Variants in B3GALT1 observed in about 807,000 individuals in gnomAD.
B3GALT1 encodes the protein UDP-Gal:betaGlcNAc beta 1,3-galactosyltransferase, polypeptide 1.
In B3GALT1, 10 loss-of-function variants were observed where a neutral mutation model predicts 23.2. That is an observed-to-expected ratio of 0.43 (90% CI 0.27 to 0.73). B3GALT1 has a LOEUF of 0.73. Among genes scored for constraint, B3GALT1 ranks in the 30% least tolerant of loss-of-function variants. B3GALT1 has a pLI of 0.21. For missense variants in B3GALT1, 299 were observed against 405.4 expected (o/e 0.74, Z 2.25); for synonymous variants, 156 against 141.5 (o/e 1.10, Z -0.73).
intron 3 of B3GALT1, among the ~76,000 whole-genome samples, chr2:167,792,029 A>G (rs1033217021): frequency 6.6e-6 from 1 of 152,098 alleles, no homozygotes; most frequent in Non-Finnish European, 1.5e-5. Context: ...GAGGCCATTT[A>G]TCAATAATTC....
At chr2:167,453,870 A>G (rs1043372952) in intron 1 of B3GALT1, among the ~76,000 whole-genome samples, 2 of 152,242 alleles carry the variant, frequency 1.3e-5, no homozygotes, top group South Asian at 2.1e-4. Context: ...TGTCAGAATG[A>G]TAAGACTGAT....
intron 1 of B3GALT1, among the ~76,000 whole-genome samples, chr2:167,305,902 C>A (rs1325070217): frequency 1.3e-5 from 2 of 152,044 alleles, no homozygotes; most frequent in African/African-American, 4.8e-5. Flanking sequence ...TATTCACCTA[C>A]TAAATAACAG....
chr2:167,328,412 A>G (rs941340122), intron 1 of B3GALT1, among the ~76,000 whole-genome samples: 2 of 152,220 alleles, frequency 1.3e-5, no homozygotes, highest in Non-Finnish European at 2.9e-5. Context: ...TTTTTTGTCT[A>G]TTCAGGTTTT....
chr2:167,401,843 C>T (rs1266355999), intron 1 of B3GALT1, among the ~76,000 whole-genome samples: 1 of 152,108 alleles, frequency 6.6e-6, no homozygotes, highest in Non-Finnish European at 1.5e-5. Flanking sequence ...CTTCTTAGGA[C>T]ACAGTATTGA....
intron 4 of B3GALT1, among the ~76,000 whole-genome samples, chr2:167,848,421 A>T (rs1378276759): frequency 1.3e-5 from 2 of 152,228 alleles, no homozygotes; most frequent in African/African-American, 4.8e-5. Flanking sequence ...CATACTGGGG[A>T]TGCAGGAATG....
At chr2:167,666,104 T>C (rs533447312) in intron 3 of B3GALT1, among the ~76,000 whole-genome samples, 239 of 152,350 alleles carry the variant, frequency 1.6e-3, no homozygotes, top group African/African-American at 5.7e-3. Context: ...TAAATTTCCC[T>C]CTACACACTG....
At chr2:167,512,572 A>ATC (rs1558887699) in intron 2 of B3GALT1, among the ~76,000 whole-genome samples, 4 of 94,276 alleles carry the variant, frequency 4.2e-5, no homozygotes, top group African/African-American at 1.7e-4. Flanking sequence ...ATATATGTAT[A>ATC]TATATATGTA....
intron 3 of B3GALT1, among the ~76,000 whole-genome samples, chr2:167,762,524 T>C (rs2105299333): frequency 6.6e-6 from 1 of 151,376 alleles, no homozygotes; most frequent in East Asian, 1.9e-4. Flanking sequence ...TTAAGATACC[T>C]TCCAAGAAGG....
chr2:167,822,620 A>T lies in B3GALT1; in HGVS notation c.-230+3827A>T, dbSNP rs113878130. ...CCTACACACAGACCAAGGCACAGGC[A>T]TACATTTCTTTTCGCCTTCTTACTC... On this transcript the variant is annotated intron_variant, in intron 4 of 4. Coordinates refer to ENST00000392690, the MANE Select transcript of B3GALT1 (RefSeq NM_020981.4). Among the ~76,000 whole-genome samples, 1,137 of 152,244 alleles carry T rather than the reference A, an allele frequency of 7.5e-3. 20 individuals are homozygous for T. Among genetic ancestry groups the T allele is most frequent in the African/African-American group, 0.026 (1,077 of 41,534 alleles).
intron 3 of B3GALT1, among the ~76,000 whole-genome samples, chr2:167,803,441 T>C (rs934367789): frequency 2.0e-5 from 3 of 152,172 alleles, no homozygotes; most frequent in Non-Finnish European, 4.4e-5. Flanking sequence ...AGTGGTATAG[T>C]GTGGGCATAT....
At chr2:167,377,502 G>A (rs1294616013) in intron 1 of B3GALT1, among the ~76,000 whole-genome samples, 4 of 152,074 alleles carry the variant, frequency 2.6e-5, no homozygotes, top group Non-Finnish European at 5.9e-5. Context: ...ATGAATCAGG[G>A]TGCTCTAATG....
At chr2:167,867,629 A>G (rs961625229) in intron 4 of B3GALT1, among the ~76,000 whole-genome samples, 1 of 152,200 alleles carries the variant, frequency 6.6e-6, no homozygotes, top group Non-Finnish European at 1.5e-5. Flanking sequence ...TTTTCAATCT[A>G]TATTCCCAAT....
At chr2:167,318,690 AC>A (rs1379773377) in intron 1 of B3GALT1, among the ~76,000 whole-genome samples, 1 of 152,086 alleles carries the variant, frequency 6.6e-6, no homozygotes, top group Non-Finnish European at 1.5e-5. Flanking sequence ...AGCCAACTGC[AC>A]TCGTTGGCTA....
intron 2 of B3GALT1, among the ~76,000 whole-genome samples, chr2:167,607,711 T>C (rs1017576225): frequency 1.3e-5 from 2 of 152,238 alleles, no homozygotes; most frequent in African/African-American, 4.8e-5. Flanking sequence ...TTTAAAAATA[T>C]ACTTTGAGAA....
intron 2 of B3GALT1, among the ~76,000 whole-genome samples, chr2:167,553,072 C>T (rs1383713102): frequency 6.6e-6 from 1 of 152,102 alleles, no homozygotes; most frequent in Non-Finnish European, 1.5e-5. Context: ...ATTGTATCAT[C>T]ATCATTAAAA....
chr2:167,554,077 G>T (rs989503341), intron 2 of B3GALT1, among the ~76,000 whole-genome samples: 1 of 152,150 alleles, frequency 6.6e-6, no homozygotes, highest in Non-Finnish European at 1.5e-5. Flanking sequence ...GAGCATGACC[G>T]CTGGTCACTG....
intron 3 of B3GALT1, among the ~76,000 whole-genome samples, chr2:167,695,484 A>T (rs535400071): frequency 9.8e-5 from 15 of 152,312 alleles, no homozygotes; most frequent in African/African-American, 3.1e-4. Context: ...GCTCTTGTTT[A>T]CTAAAATGTA....
intron 2 of B3GALT1, among the ~76,000 whole-genome samples, chr2:167,494,900 C>T (rs551001947): frequency 2.6e-5 from 4 of 152,110 alleles, no homozygotes; most frequent in Non-Finnish European, 4.4e-5. Flanking sequence ...TGACTTGGGG[C>T]CCTGGTATCT....
chr2:167,725,378 G>A (rs939330597), intron 3 of B3GALT1, among the ~76,000 whole-genome samples: 1 of 152,120 alleles, frequency 6.6e-6, no homozygotes, highest in Non-Finnish European at 1.5e-5. Flanking sequence ...GAAGTGCTTG[G>A]TTGAGTCATG....
Sources: gnomAD v4.1 joint callset for allele counts (sites outside exome capture counted in the v4.1 genomes callset) on GRCh38, gnomAD v4.1.1 for gene constraint, MANE v1.5 for transcripts, NCBI Gene and HGNC (gene_info 2026-07-23, HGNC 2026-07-21) for gene names.